ATOSB: variants seen among roughly 807,000 people sequenced by gnomAD.
ATOSB encodes atos homolog B, also known as atos homolog protein B.
the ATOSB span, chr9:35,107,773 G>A: frequency 6.4e-7 from 1 of 1,563,188 alleles, no homozygotes; most frequent in Non-Finnish European, 8.7e-7. Flanking sequence ...AGGGACCCCT[G>A]TCCCCCTGGA....
At chr9:35,104,950 G>A in the ATOSB span, 3 of 322,928 alleles carry the variant, frequency 9.3e-6, no homozygotes, top group Admixed American at 1.4e-4. Flanking sequence ...CTGGGAACTT[G>A]AGAAAATCTC....
At chr9:35,115,900 C>T in the ATOSB span, 1 of 152,444 alleles carries the variant, frequency 6.6e-6, no homozygotes, top group Non-Finnish European at 1.5e-5. Flanking sequence ...GCAAACCTCG[C>T]CCCTTCAGTC....
the ATOSB span, chr9:35,107,033 A>G: frequency 7.8e-6 from 6 of 770,734 alleles, no homozygotes; most frequent in South Asian, 1.8e-5. Context: ...TTAAGAGTAC[A>G]TGAAGGACAG....
chr9:35,106,731 G>T, the ATOSB span: 1 of 1,470,316 alleles, frequency 6.8e-7, no homozygotes, highest in Non-Finnish European at 9.3e-7. The surrounding 1 kb of genome is among the most constrained non-coding windows in gnomAD (Gnocchi z 4.6). Context: ...CTGCCACTAT[G>T]TAGGGCTTCT....
chr9:35,114,728 A>C, the ATOSB span, among the ~76,000 whole-genome samples: 3 of 152,254 alleles, frequency 2.0e-5, no homozygotes, highest in East Asian at 5.8e-4. Context: ...AAACAGACAG[A>C]AGACCCTCAA....
chr9:35,108,781 G>T, the ATOSB span: 1 of 728,722 alleles, frequency 1.4e-6, no homozygotes, highest in Non-Finnish European at 1.7e-6. Context: ...ACTGGAGCCA[G>T]CGGTAAGGCC....
the ATOSB span, among the ~76,000 whole-genome samples, chr9:35,113,991 A>G: frequency 1.3e-5 from 2 of 152,126 alleles, no homozygotes; most frequent in East Asian, 1.9e-4. Context: ...TTTAGCCATA[A>G]ATTTCCAAAC....
chr9:35,104,509 TGAG>T, the ATOSB span: 2 of 203,352 alleles, frequency 9.8e-6, no homozygotes, highest in South Asian at 1.1e-4. Context: ...GAGCCCTAGG[TGAG>T]GGGTGGTTAA....
chr9:35,115,029 G>A, the ATOSB span, among the ~76,000 whole-genome samples: 1 of 150,844 alleles, frequency 6.6e-6, no homozygotes. Flanking sequence ...AGCACACCCA[G>A]AGCATAAGGG....
At chr9:35,115,914 G>C in the ATOSB span, 1 of 152,358 alleles carries the variant, frequency 6.6e-6, no homozygotes, top group African/African-American at 2.4e-5. Context: ...TTCAGTCTGA[G>C]CCCCGCCCCC....
At chr9:35,108,156 C>G in the ATOSB span, 55 of 1,581,126 alleles carry the variant, frequency 3.5e-5, no homozygotes, top group East Asian at 9.0e-5. Context: ...TGTCGCCCCC[C>G]CTGCTGGGCT....
At chr9:35,113,139 A>T in the ATOSB span, among the ~76,000 whole-genome samples, 4 of 152,294 alleles carry the variant, frequency 2.6e-5, no homozygotes, top group South Asian at 4.1e-4. Context: ...ATAAAAACTT[A>T]CTAGGAAAAC....
At chr9:35,112,886 T>G in the ATOSB span, among the ~76,000 whole-genome samples, 1 of 151,996 alleles carries the variant, frequency 6.6e-6, no homozygotes, top group South Asian at 2.1e-4. Flanking sequence ...AGAGGCTCCT[T>G]CCTCTTCCCC....
the ATOSB span, chr9:35,111,107 A>AG: frequency 1.3e-5 from 2 of 153,072 alleles, no homozygotes; most frequent in Admixed American, 1.3e-4. Flanking sequence ...AAACTAAGCC[A>AG]GGCAGACTCA....
the ATOSB span, among the ~76,000 whole-genome samples, chr9:35,112,953 C>G: frequency 2.0e-5 from 3 of 152,168 alleles, no homozygotes; most frequent in Non-Finnish European, 4.4e-5. Flanking sequence ...CCTCTAAGCT[C>G]CCTTCTCCTT....
At chr9:35,105,709 C>T in the ATOSB span, 221 of 1,613,780 alleles carry the variant, frequency 1.4e-4, no homozygotes, top group African/African-American at 2.1e-3. This position sits in a 1 kb window ranked among gnomAD's most constrained non-coding sequence, Gnocchi z 5.5. Flanking sequence ...GCAGAGGAGG[C>T]GGTGGGTGGG....
the ATOSB span, chr9:35,111,710 C>A: frequency 6.6e-6 from 1 of 152,472 alleles, no homozygotes; most frequent in African/African-American, 2.4e-5. Flanking sequence ...AGGAAGCCAG[C>A]CTCCCCGCGA....
chr9:35,105,247 T>C, the ATOSB span: 1 of 1,613,764 alleles, frequency 6.2e-7, no homozygotes, highest in African/African-American at 1.3e-5. The surrounding 1 kb of genome is among the most constrained non-coding windows in gnomAD (Gnocchi z 5.5). Context: ...TAACGTGGAT[T>C]ATGAGGGGCC....
At chr9:35,108,057 G>C in the ATOSB span, 1 of 1,534,732 alleles carries the variant, frequency 6.5e-7, no homozygotes, top group Non-Finnish European at 8.8e-7. Context: ...GGGACCCTCA[G>C]TGGATGGGGC....
Sources: allele counts gnomAD v4.1 joint callset (sites outside exome capture counted in the v4.1 genomes callset), GRCh38; gene constraint gnomAD v4.1.1; non-coding constraint Gnocchi (gnomAD v3.1); transcripts MANE v1.5; gene names NCBI Gene and HGNC (gene_info 2026-07-23, HGNC 2026-07-21).